Variants in TAFA2 observed in about 807,000 individuals in gnomAD.
TAFA2 encodes chemokine-like protein TAFA-2.
A neutral mutation model predicts 18.8 loss-of-function variants in TAFA2; 7 were observed. The ratio of observed to expected loss-of-function variants is 0.37; its 90% confidence interval spans 0.21 to 0.70. The LOEUF (loss-of-function observed/expected upper bound fraction) is 0.70, where lower values mean the gene tolerates loss of function less well. TAFA2 is among the 30% of genes least tolerant of loss of function. TAFA2 has a pLI of 0.53. For missense variants in TAFA2, 122 were observed against 158.1 expected (o/e 0.77, Z 1.23); for synonymous variants, 60 against 54.2 (o/e 1.11, Z -0.47).
chr12:62,189,368 A>C (rs558668908), intron 1 of TAFA2, among the ~76,000 whole-genome samples: 14 of 152,232 alleles, frequency 9.2e-5, no homozygotes, highest in Non-Finnish European at 1.5e-5. Flanking sequence ...AATATTTATA[A>C]GCTCCAGTGT....
intron 2 of TAFA2, among the ~76,000 whole-genome samples, chr12:61,851,561 G>A (rs1435761525): frequency 2.6e-5 from 4 of 151,564 alleles, no homozygotes; most frequent in Non-Finnish European, 4.4e-5. Flanking sequence ...TGGATCACGA[G>A]GTCAGGAAAT....
intron 2 of TAFA2, among the ~76,000 whole-genome samples, chr12:61,864,273 T>C (rs950835345): frequency 2.7e-4 from 40 of 150,934 alleles, no homozygotes; most frequent in African/African-American, 9.5e-4. Flanking sequence ...TTACCATGAG[T>C]GAAAGTCACC....
chr12:61,835,552 G>A lies in TAFA2; in HGVS notation c.106+31768C>T, dbSNP rs200123668. 2.2e-3 allele frequency among the ~76,000 whole-genome samples: 333 copies of A among 151,924 alleles called. 1 individual carries two copies. The highest frequency in any genetic ancestry group is 3.9e-3 in the Non-Finnish European group (264 of 67,884). On this transcript the variant is annotated intron_variant, in intron 2 of 4. Transcript: ENST00000416284. ...ATTTGGGAAGACTAGGGTTTTTAAT[G>A]ATTTTATAATACTTTTCCACACATG...
intron 1 of TAFA2, among the ~76,000 whole-genome samples, chr12:62,205,036 T>G (rs1319367723): frequency 6.6e-6 from 1 of 152,186 alleles, no homozygotes; most frequent in Non-Finnish European, 1.5e-5. Flanking sequence ...ATGCTGTGGT[T>G]GTTGTTGTTT....
chr12:61,976,184 C>T (rs1269846931), intron 1 of TAFA2, among the ~76,000 whole-genome samples: 1 of 151,770 alleles, frequency 6.6e-6, no homozygotes, highest in Non-Finnish European at 1.5e-5. Context: ...AAAAATCAAA[C>T]ATGATATGTT....
intron 1 of TAFA2, among the ~76,000 whole-genome samples, chr12:62,215,663 T>C (rs2639728): frequency 8.5e-4 from 58 of 67,952 alleles, no homozygotes; most frequent in South Asian, 3.9e-3. Flanking sequence ...GAACTTGTTT[T>C]TCTTGCTTAA....
chr12:61,979,885 T>A (rs1028524726), intron 1 of TAFA2, among the ~76,000 whole-genome samples: 2 of 152,022 alleles, frequency 1.3e-5, no homozygotes, highest in South Asian at 2.1e-4. Context: ...AGAAGTTTCA[T>A]GGAAATAAAT....
At chr12:61,777,925 T>C (rs1238469320) in intron 2 of TAFA2, among the ~76,000 whole-genome samples, 10 of 151,566 alleles carry the variant, frequency 6.6e-5, no homozygotes, top group Admixed American at 6.6e-4. Flanking sequence ...AAGGGTGAGG[T>C]TGATGGTAAC....
chr12:62,072,236 G>C (rs903926851), intron 1 of TAFA2, among the ~76,000 whole-genome samples: 3 of 151,900 alleles, frequency 2.0e-5, no homozygotes, highest in African/African-American at 7.3e-5. Context: ...AGGCCGAGGC[G>C]GGCGGATCAC....
chr12:61,846,532 CTT>C (rs1362838141), intron 2 of TAFA2, among the ~76,000 whole-genome samples: 4 of 152,098 alleles, frequency 2.6e-5, no homozygotes, highest in Non-Finnish European at 5.9e-5. Context: ...ATTTAGGAAA[CTT>C]ATACTCTGAT....
intron 1 of TAFA2, among the ~76,000 whole-genome samples, chr12:62,180,022 A>G (rs1248445986): frequency 1.3e-5 from 2 of 152,218 alleles, no homozygotes; most frequent in South Asian, 2.1e-4. Context: ...AGACTAGGTA[A>G]TCAGCTGCTA....
chr12:61,964,418 G>A lies in TAFA2; in HGVS notation c.-1-96992C>T, dbSNP rs573953758. Among the ~76,000 whole-genome samples, 3 of 151,676 alleles carry A rather than the reference G, an allele frequency of 2.0e-5. No individual in the cohort carries two copies. In the South Asian group the frequency reaches 6.2e-4, roughly 32 times the overall value. On this transcript the variant is annotated intron_variant, in intron 1 of 4. Transcript: ENST00000416284. ...ATCTTCCTTCTACTGTCTTTCCTCTGTGAGAAATCTCCCCTCCATGACCTG... is the reference window on the plus strand; with the variant it reads ...ATCTTCCTTCTACTGTCTTTCCTCTATGAGAAATCTCCCCTCCATGACCTG...
At chr12:61,805,114 T>C (rs573788191) in intron 2 of TAFA2, among the ~76,000 whole-genome samples, 1 of 152,122 alleles carries the variant, frequency 6.6e-6, no homozygotes, top group East Asian at 1.9e-4. Flanking sequence ...TAGAAAAGGG[T>C]ATATGTCTGG....
At chr12:61,723,366 T>C (rs1033462753) in intron 4 of TAFA2, among the ~76,000 whole-genome samples, 6 of 152,080 alleles carry the variant, frequency 3.9e-5, no homozygotes, top group Admixed American at 2.6e-4. Flanking sequence ...AAACAATGGA[T>C]GCATGGAGAG....
At chr12:61,757,010 G>A (rs1052188330) in intron 2 of TAFA2, among the ~76,000 whole-genome samples, 7 of 152,072 alleles carry the variant, frequency 4.6e-5, no homozygotes, top group Non-Finnish European at 8.8e-5. Flanking sequence ...ATCATGGAAA[G>A]GCTGGTACAC....
chr12:61,724,044 A>C (rs970264812), intron 4 of TAFA2, among the ~76,000 whole-genome samples: 2 of 152,140 alleles, frequency 1.3e-5, no homozygotes, highest in African/African-American at 4.8e-5. Flanking sequence ...TTGGTTCACC[A>C]TTGCCCCAAA....
intron 1 of TAFA2, among the ~76,000 whole-genome samples, chr12:62,107,884 A>G (rs1029504144): frequency 1.3e-5 from 2 of 151,982 alleles, no homozygotes; most frequent in Non-Finnish European, 2.9e-5. Flanking sequence ...TCTTTTTCCT[A>G]TTTTGCTTAA....
At chr12:61,905,336 G>A (rs552458205) in intron 1 of TAFA2, among the ~76,000 whole-genome samples, 5 of 152,204 alleles carry the variant, frequency 3.3e-5, no homozygotes, top group African/African-American at 1.2e-4. Flanking sequence ...AGAAAGACCA[G>A]TAAATTGTCA....
At chr12:62,002,104 G>C (rs1424335788) in intron 1 of TAFA2, among the ~76,000 whole-genome samples, 1 of 152,158 alleles carries the variant, frequency 6.6e-6, no homozygotes, top group Non-Finnish European at 1.5e-5. Context: ...TCAGAGACTG[G>C]TGATAATATG....
Sources: allele counts gnomAD v4.1 joint callset (sites outside exome capture counted in the v4.1 genomes callset), GRCh38; gene constraint gnomAD v4.1.1; transcripts MANE v1.5; gene names NCBI Gene and HGNC (gene_info 2026-07-23, HGNC 2026-07-21).